The following ATP10A variants were observed in gnomAD, a reference collection of about 807,000 sequenced individuals.
ATP10A encodes the protein phospholipid-transporting ATPase VA.
Under a neutral mutation model 147.8 loss-of-function variants are expected in ATP10A, and 111 were observed. The observed-to-expected ratio is 0.75, with a 90% CI of 0.64 to 0.88. The LOEUF is 0.88. ATP10A is among the 40% of genes least tolerant of loss of function. The pLI is 0.00. For synonymous variants in ATP10A, 875 were observed against 841.6 expected, an observed-to-expected ratio of 1.04 and a Z score of -0.69; for missense variants, 1,927 against 1,959.0, an observed-to-expected ratio of 0.98 and a Z score of 0.31.
At chr15:25,790,361 C>T (rs551199445) in intron 1 of ATP10A, among the ~76,000 whole-genome samples, 3 of 152,222 alleles carry the variant, frequency 2.0e-5, no homozygotes, top group African/African-American at 7.2e-5. Flanking sequence ...AAGAAATGTC[C>T]CAGATGTGTG....
intron 1 of ATP10A, among the ~76,000 whole-genome samples, chr15:25,827,691 A>G (rs1379520238): frequency 1.3e-5 from 2 of 152,244 alleles, no homozygotes; most frequent in African/African-American, 2.4e-5. Flanking sequence ...ACACAAGCAA[A>G]TATCTATTTG....
intron 2 of ATP10A, among the ~76,000 whole-genome samples, chr15:25,762,823 T>C (rs1041667814): frequency 3.9e-5 from 6 of 152,172 alleles, no homozygotes; most frequent in Non-Finnish European, 8.8e-5. Flanking sequence ...CAAGTGATCC[T>C]CCCACCTCGG....
At chr15:25,752,791 A>G (rs1888222474) in intron 2 of ATP10A, among the ~76,000 whole-genome samples, 1 of 152,166 alleles carries the variant, frequency 6.6e-6, no homozygotes, top group South Asian at 2.1e-4. Flanking sequence ...CCTATCCATG[A>G]ACATAGGATG....
intron 4 of ATP10A, 28 bp downstream of exon 4, chr15:25,727,132 G>T: frequency 1.3e-6 from 2 of 1,525,578 alleles, no homozygotes; most frequent in Non-Finnish European, 9.1e-7. Flanking sequence ...CTGTCTGGCG[G>T]CAGGTGGTGC....
At chr15:25,846,156 G>A (rs1893016303) in intron 1 of ATP10A, among the ~76,000 whole-genome samples, 1 of 152,134 alleles carries the variant, frequency 6.6e-6, no homozygotes, top group South Asian at 2.1e-4. Context: ...GCTGGGCATG[G>A]GGGAAGGGGG....
intron 1 of ATP10A, among the ~76,000 whole-genome samples, chr15:25,860,586 A>T (rs1177867114): frequency 1.3e-5 from 2 of 152,198 alleles, no homozygotes; most frequent in East Asian, 3.9e-4. Flanking sequence ...TGAATGAAAA[A>T]TGCTGACAGT....
At chr15:25,806,601 C>G (rs569393434) in intron 1 of ATP10A, among the ~76,000 whole-genome samples, 1 of 152,132 alleles carries the variant, frequency 6.6e-6, no homozygotes, top group South Asian at 2.1e-4. Context: ...TGTGAGCCAC[C>G]GCACCCAGCC....
chr15:25,860,317 G>T (rs1381721246), intron 1 of ATP10A, among the ~76,000 whole-genome samples: 4 of 152,102 alleles, frequency 2.6e-5, no homozygotes, highest in Non-Finnish European at 5.9e-5. Flanking sequence ...GTCCTGCACT[G>T]GGACGCCTCG....
chr15:25,786,173 C>T (rs1360893406), intron 1 of ATP10A, among the ~76,000 whole-genome samples: 3 of 152,162 alleles, frequency 2.0e-5, no homozygotes, highest in Admixed American at 6.5e-5. Context: ...AGAGGTGCCA[C>T]GCCAGCACAC....
Position 25,794,052 on chromosome 15 carries a change from T to G in ATP10A, c.450-12829A>C, listed in dbSNP as rs574277070. Among the ~76,000 whole-genome samples, 17 of 152,358 alleles carry G rather than the reference T, an allele frequency of 1.1e-4. No individual in the cohort carries two copies. The East Asian group carries it at 3.3e-3, about 29-fold the overall frequency. ...AGGACACCATTTCCCCAGAGTCCCC[T>G]GATTCCTCTAAATCAGAATTCTGAA... On this transcript the variant is annotated intron_variant, in intron 1 of 20. Transcript: ENST00000555815.
rs1327115110 is a variant in ATP10A, at chr15:25,679,249, A to C, written c.*92T>G. ...GTATTAGCCTGGGAAACATTTAGAAATACATCTCCCTAGAACTCTTCTGTG... is the reference window on the plus strand; with the variant it reads ...GTATTAGCCTGGGAAACATTTAGAACTACATCTCCCTAGAACTCTTCTGTG... On this transcript the variant is annotated 3_prime_UTR_variant, in exon 21 of 21. Transcript: ENST00000555815. 5 of 1,015,736 alleles carry C rather than the reference A, an allele frequency of 4.9e-6. No homozygotes were observed. Among genetic ancestry groups the C allele is most frequent in the African/African-American group, 1.7e-5 (1 of 59,752 alleles). 62.9% of individuals were successfully genotyped at this position (1,015,736 alleles called of 1,614,324 possible). A position where few individuals can be genotyped will look rare whatever the true frequency, so the allele number is the denominator to read the frequency against.
intron 2 of ATP10A, among the ~76,000 whole-genome samples, chr15:25,752,693 T>C (rs1165730443): frequency 1.3e-5 from 2 of 152,216 alleles, no homozygotes; most frequent in African/African-American, 4.8e-5. Flanking sequence ...TTTTTATTTC[T>C]GCAAAAATTC....
chr15:25,737,329 G>C (rs1319496716), intron 2 of ATP10A, among the ~76,000 whole-genome samples: 2 of 152,192 alleles, frequency 1.3e-5, no homozygotes, highest in East Asian at 3.9e-4. Context: ...CAGATACAAA[G>C]TACAGGATGG....
intron 1 of ATP10A, among the ~76,000 whole-genome samples, chr15:25,789,044 A>C (rs571327074): frequency 6.6e-6 from 1 of 152,256 alleles, no homozygotes; most frequent in African/African-American, 2.4e-5. Context: ...TGCAGCCTCC[A>C]ACTCCCAGGG....
chr15:25,721,000 G>A (rs771496312), intron 7 of ATP10A, among the ~76,000 whole-genome samples: 3 of 152,168 alleles, frequency 2.0e-5, no homozygotes, highest in East Asian at 1.9e-4. Flanking sequence ...CTCCCAGGGC[G>A]CTGCAGCCCC....
At chr15:25,800,223 A>G (rs1029847195) in intron 1 of ATP10A, among the ~76,000 whole-genome samples, 9 of 152,344 alleles carry the variant, frequency 5.9e-5, no homozygotes, top group Non-Finnish European at 1.2e-4. Flanking sequence ...CATTTAAAAT[A>G]AAGACAGAAT....
downstream of ATP10A, among the ~76,000 whole-genome samples, chr15:25,675,377 T>C: frequency 6.6e-6 from 1 of 152,228 alleles, no homozygotes; most frequent in East Asian, 1.9e-4. Context: ...AGTATTTTAG[T>C]GCTTTTAAAT....
intron 17 of ATP10A, among the ~76,000 whole-genome samples, chr15:25,681,914 CATG>C (rs1302969573): frequency 6.6e-6 from 1 of 152,010 alleles, no homozygotes; most frequent in Non-Finnish European, 1.5e-5. Flanking sequence ...ATTAGCCAGG[CATG>C]GTGGTGGGCG....
upstream of ATP10A, among the ~76,000 whole-genome samples, chr15:25,864,317 CTGTT>C (rs1427809950): frequency 1.3e-5 from 2 of 152,190 alleles, no homozygotes; most frequent in Non-Finnish European, 2.9e-5. Context: ...ATGGCTGTGA[CTGTT>C]TGCCTCCCAC....
Sources: gnomAD v4.1 joint callset for allele counts (sites outside exome capture counted in the v4.1 genomes callset) on GRCh38, gnomAD v4.1.1 for gene constraint, MANE v1.5 for transcripts, NCBI Gene and HGNC (gene_info 2026-07-23, HGNC 2026-07-21) for gene names.